Variants in MTCL1 observed in about 807,000 individuals in gnomAD.
The protein encoded by MTCL1 is microtubule cross-linking factor 1.
A neutral mutation model predicts 141.4 loss-of-function variants in MTCL1; 79 were observed. The observed-to-expected ratio is 0.56, with a 90% confidence interval of 0.47 to 0.67. MTCL1 has a LOEUF of 0.67. Ranked by LOEUF, MTCL1 falls within the 30% of genes least tolerant of loss-of-function variation. The probability of loss-of-function intolerance (pLI) is 0.00; values close to 1 mark genes in which losing one functional copy is unlikely to be tolerated. For missense variants in MTCL1, 2,177 were observed against 2,113.9 expected (o/e 1.03, Z -0.59); for synonymous variants, 914 against 875.8 (o/e 1.04, Z -0.77).
Position 8,828,912 on chromosome 18 carries a change from A to C in MTCL1, c.4727A>C (p.Gln1576Pro). Reference sequence around the variant, plus strand: ...TTCTCTGTCTGTTCTGTCCAGAACCAAACTGTCTTGCTAACTGCCCCCTGG... The same window carrying C: ...TTCTCTGTCTGTTCTGTCCAGAACCCAACTGTCTTGCTAACTGCCCCCTGG... The change falls in exon 16 of 17, where the codon CAA becomes CCA. Residue 1576 changes from glutamine (Q) to proline (P), a missense_variant. Physicochemically the swap from Gln to Pro is moderately conservative, Grantham distance 76. Transcript: ENST00000359865. The surrounding 1 kb of genome is among the most constrained non-coding windows in gnomAD (Gnocchi z 5.2). 1 of 1,614,222 alleles carries C rather than the reference A, an allele frequency of 6.2e-7. No individual in the cohort carries two copies. The highest frequency in any genetic ancestry group is 2.2e-5 in the East Asian group (1 of 44,888).
At chr18:8,827,270 A>G (rs1263744590) in intron 15 of MTCL1, among the ~76,000 whole-genome samples, 1 of 152,204 alleles carries the variant, frequency 6.6e-6, no homozygotes, top group Non-Finnish European at 1.5e-5. Context: ...GAGAGGAGGA[A>G]GGTGTATTGC....
rs199827818 is a variant in MTCL1 at position 8,811,521 on chromosome 18, A to ACT, written c.2605-1458_2605-1457insCT. 3.3e-3 allele frequency among the ~76,000 whole-genome samples: 482 copies of ACT among 146,262 alleles called. 1 individual carries two copies. Among genetic ancestry groups the ACT allele is most frequent in the Middle Eastern group, 0.014 (4 of 282 alleles). ...TGGGTGGTTTAAGTCATTAATCTTT[A>ACT]TATATATATACATATATATATCTAT... On this transcript the variant is annotated intron_variant, in intron 11 of 16. Transcript: ENST00000359865.
intron 13 of MTCL1, 29 bp downstream of exon 12, chr18:8,819,288 AC>A: frequency 6.2e-7 from 1 of 1,607,894 alleles, no homozygotes; most frequent in Non-Finnish European, 8.5e-7. Flanking sequence ...ATCCTAGTTA[AC>A]CACTGTGGAA....
chr18:8,722,244 T>C (rs2096178154), intron 4 of MTCL1, among the ~76,000 whole-genome samples: 1 of 151,980 alleles, frequency 6.6e-6, no homozygotes, highest in Admixed American at 6.6e-5. Context: ...TGGAACAACG[T>C]GGGGATTGGA....
chr18:8,796,873 C>CG (rs2075943906), intron 9 of MTCL1, among the ~76,000 whole-genome samples: 1 of 152,196 alleles, frequency 6.6e-6, no homozygotes. Flanking sequence ...TCAATGTCTA[C>CG]TCTTTCTTTT....
At chr18:8,763,034 T>C (rs147083514) in intron 4 of MTCL1, among the ~76,000 whole-genome samples, 96 of 152,310 alleles carry the variant, frequency 6.3e-4, no homozygotes, top group Non-Finnish European at 1.1e-3. Context: ...CTATATAGTC[T>C]ACAGGCTGAA....
chr18:8,706,872 C>G (rs2096060842), intron 1 of MTCL1, among the ~76,000 whole-genome samples, 159 bp downstream of exon 1: 1 of 152,228 alleles, frequency 6.6e-6, no homozygotes, highest in Non-Finnish European at 1.5e-5. Context: ...CAACTTAAGC[C>G]CAAACTTCTG....
chr18:8,800,537 G>C (rs1345098905), intron 10 of MTCL1: 4 of 152,232 alleles, frequency 2.6e-5, no homozygotes, highest in African/African-American at 9.6e-5. Flanking sequence ...CTGTTTCCCT[G>C]TCTTCAGCCA....
At chr18:8,808,695 T>C (rs1414660499) in intron 11 of MTCL1, among the ~76,000 whole-genome samples, 1 of 152,260 alleles carries the variant, frequency 6.6e-6, no homozygotes, top group East Asian at 1.9e-4. Context: ...CTTCTTTCAG[T>C]GGAGCCCACG....
upstream of MTCL1, chr18:8,705,600 C>T (rs1275887418): frequency 8.3e-7 from 1 of 1,206,366 alleles, no homozygotes; most frequent in Non-Finnish European, 1.0e-6. This position sits in a 1 kb window ranked among gnomAD's most constrained non-coding sequence, Gnocchi z 5.2. Flanking sequence ...GCCGCCGCCG[C>T]CGCCGCCGCC....
At chr18:8,721,323 A>C (rs992755816) in intron 4 of MTCL1, among the ~76,000 whole-genome samples, 1 of 152,066 alleles carries the variant, frequency 6.6e-6, no homozygotes, top group Non-Finnish European at 1.5e-5. Flanking sequence ...GTTCTTCCCT[A>C]TCCATGCCCC....
At chr18:8,789,243 G>A (rs566757304) in intron 7 of MTCL1, among the ~76,000 whole-genome samples, 70 of 152,326 alleles carry the variant, frequency 4.6e-4, no homozygotes, top group Non-Finnish European at 6.6e-4. Flanking sequence ...AGGAAGTTAC[G>A]TGGGGTTTTA....
intron 4 of MTCL1, among the ~76,000 whole-genome samples, chr18:8,750,187 C>T (rs898780272): frequency 1.3e-5 from 2 of 152,062 alleles, no homozygotes; most frequent in Non-Finnish European, 2.9e-5. Context: ...GCTGGGATTA[C>T]AGGCTCATGC....
chr18:8,782,879 T>A (rs1379040486), intron 5 of MTCL1, among the ~76,000 whole-genome samples: 1 of 152,178 alleles, frequency 6.6e-6, no homozygotes, highest in Non-Finnish European at 1.5e-5. Flanking sequence ...TTTTGTCATG[T>A]CATTCTTGTG....
chr18:8,706,159 C>A (rs1256515518), exon 1 of MTCL1: 8 of 1,220,790 alleles, frequency 6.6e-6, no homozygotes, highest in Non-Finnish European at 8.2e-6. Flanking sequence ...GCGCGGCTCC[C>A]GGGCGCCACC....
exon 12 of MTCL1, chr18:8,813,038 G>T (rs373787674): frequency 8.5e-5 from 137 of 1,614,056 alleles, no homozygotes; most frequent in Middle Eastern, 1.6e-4. Context: ...AGAGCAAGGG[G>T]GCCTTGAAGA....
At position 8,830,265 on chromosome 18, in the gene MTCL1, A is replaced by G. The variant is rs2077155925; in HGVS notation, c.*18+1301A>G. The G allele has an allele frequency of 2.0e-6, 2 of 985,384 alleles. No individual in the cohort carries two copies. The highest frequency in any genetic ancestry group is 1.1e-4 in the East Asian group (1 of 8,824). The allele number at this position is 985,384 out of a possible 1,614,324, so 61.0% of individuals were successfully genotyped here. A position where few individuals can be genotyped will look rare whatever the true frequency, so the allele number is the denominator to read the frequency against. ...TATTTCTGGTTGTCACGGTACTGTT[A>G]GCATAATGCTTTGGGAACAGAAGCT... On this transcript the variant is annotated intron_variant, in intron 16 of 16. Transcript: ENST00000359865. This position sits in a 1 kb window ranked among gnomAD's most constrained non-coding sequence, Gnocchi z 6.4.
Position 8,807,434 on chromosome 18 carries a change from A to T in MTCL1, c.2604+374A>T, listed in dbSNP as rs117116610. ...AGACTGTGGTTTAGTTGTCTTTGAAAAAGGTAAATGCATGCTTTCATTGAG... is the reference window on the plus strand; with the variant it reads ...AGACTGTGGTTTAGTTGTCTTTGAATAAGGTAAATGCATGCTTTCATTGAG... On this transcript the variant is annotated intron_variant, in intron 11 of 16. Coordinates refer to ENST00000359865, the Ensembl canonical transcript of MTCL1. 6.3e-3 allele frequency among the ~76,000 whole-genome samples: 961 copies of T among 152,360 alleles called. 37 individuals carry two copies. The East Asian group carries it at 0.09, about 14-fold the overall frequency.
At position 8,830,936 on chromosome 18, in the gene MTCL1, A is replaced by C. The variant is rs1367412026; in HGVS notation, c.*19-671A>C. 3 of 985,518 alleles carry C rather than the reference A, an allele frequency of 3.0e-6. No individual in the cohort carries two copies. Among genetic ancestry groups the C allele is most frequent in the Non-Finnish European group, 3.6e-6 (3 of 830,088 alleles). 61.0% of individuals were successfully genotyped at this position (985,518 alleles called of 1,614,324 possible). Reference sequence around the variant, plus strand: ...CGCAGAACATTAGGATGCCTGAAACACAAAACCACCAGTACATTCTGATTC... The same window carrying C: ...CGCAGAACATTAGGATGCCTGAAACCCAAAACCACCAGTACATTCTGATTC... On this transcript the variant is annotated intron_variant, in intron 16 of 16. Coordinates refer to ENST00000359865, the Ensembl canonical transcript of MTCL1. This position sits in a 1 kb window ranked among gnomAD's most constrained non-coding sequence, Gnocchi z 6.4.
Sources: allele counts gnomAD v4.1 joint callset (sites outside exome capture counted in the v4.1 genomes callset), GRCh38; gene constraint gnomAD v4.1.1; non-coding constraint Gnocchi (gnomAD v3.1); transcripts MANE v1.5; gene names NCBI Gene and HGNC (gene_info 2026-07-23, HGNC 2026-07-21).